RAP1GAP: variants seen among roughly 807,000 people sequenced by gnomAD.
RAP1GAP encodes the protein rap1 GTPase-activating protein 1.
Under a neutral mutation model 87.2 loss-of-function variants are expected in RAP1GAP, and 35 were observed. The ratio of observed to expected loss-of-function variants is 0.40; its 90% CI spans 0.31 to 0.53. The LOEUF is 0.53. Ranked by LOEUF, RAP1GAP falls within the 20% of genes least tolerant of loss-of-function variation. The pLI is 0.48. For missense variants in RAP1GAP, 734 were observed against 898.9 expected (o/e 0.82, Z 2.35); for synonymous variants, 375 against 363.9 (o/e 1.03, Z -0.35).
intron 1 of RAP1GAP, among the ~76,000 whole-genome samples, chr1:21,663,834 C>T (rs1043934140): frequency 1.3e-5 from 2 of 152,212 alleles, no homozygotes; most frequent in Non-Finnish European, 2.9e-5. Flanking sequence ...TGATCCTCAC[C>T]CACTGCCCCC....
chr1:21,640,733 A>G (rs1174204698), intron 2 of RAP1GAP, among the ~76,000 whole-genome samples: 2 of 148,008 alleles, frequency 1.4e-5, no homozygotes, highest in East Asian at 4.2e-4. Context: ...GGTGGGCTCC[A>G]GGCTGGAGGC....
At position 21,615,748 on chromosome 1, in the gene RAP1GAP, C is replaced by G. The variant is rs74060027; in HGVS notation, c.291+1558G>C. On this transcript the variant is annotated intron_variant, in intron 7 of 24. Coordinates refer to ENST00000374765, the MANE Select transcript of RAP1GAP (RefSeq NM_002885.4). This position sits in a 1 kb window ranked among gnomAD's most constrained non-coding sequence, Gnocchi z 4.5. ...CAGAGCCTGCTGCACTCGAGGTCCA[C>G]TACCTTCATCTGTTCCTACCTTCAT... 5.8e-3 allele frequency among the ~76,000 whole-genome samples: 881 copies of G among 152,296 alleles called. 6 individuals carry two copies. Among genetic ancestry groups the G allele is most frequent in the African/African-American group, 0.02 (835 of 41,544 alleles).
Position 21,634,715 on chromosome 1 carries a change from G to A in RAP1GAP, c.-112-8318C>T, listed in dbSNP as rs764559609. ...AGCCTAGAGAGGTGGTCACGGGACC[G>A]GTCCCTGCCCAGGGCACAGCATCTG... is the stretch of plus-strand genomic sequence containing the variant. On this transcript the variant is annotated intron_variant, in intron 2 of 24. Transcript: ENST00000374765. This position sits in a 1 kb window ranked among gnomAD's most constrained non-coding sequence, Gnocchi z 4.1. 9.4e-5 allele frequency: 40 copies of A among 426,948 alleles called. No homozygotes were observed. The highest frequency in any genetic ancestry group is 8.2e-5 in the African/African-American group (4 of 48,994). The allele number at this position is 426,948 out of a possible 1,614,324, so 26.4% of individuals were successfully genotyped here. A position where few individuals can be genotyped will look rare whatever the true frequency, so the allele number is the denominator to read the frequency against.
intron 2 of RAP1GAP, among the ~76,000 whole-genome samples, chr1:21,648,636 G>A (rs1571307316): frequency 6.6e-6 from 1 of 152,160 alleles, no homozygotes; most frequent in South Asian, 2.1e-4. Flanking sequence ...TGTTATTACT[G>A]AACTCCCTGA....
At chr1:21,617,888 C>A in intron 6 of RAP1GAP, 46 bp downstream of exon 6, 1 of 1,613,052 alleles carries the variant, frequency 6.2e-7, no homozygotes, top group Non-Finnish European at 8.5e-7. Context: ...TGTGTAAGTG[C>A]CTCCTGGGCT....
Position 21,668,508 on chromosome 1 carries a change from C to G in RAP1GAP, c.-149+746G>C, listed in dbSNP as rs1304270381. ...CTGTTATGGTAGGGAGGGGGCCGCT[C>G]ACCTCCGGAGACTGTGTGTGTGTGC... On this transcript the variant is annotated intron_variant, in intron 1 of 24. Transcript: ENST00000374765. This position sits in a 1 kb window ranked among gnomAD's most constrained non-coding sequence, Gnocchi z 6.2. 6.6e-6 allele frequency: 1 copy of G among 152,648 alleles called. No individual in the cohort carries two copies. Among genetic ancestry groups the G allele is most frequent in the Non-Finnish European group, 1.5e-5 (1 of 68,434 alleles). The allele number at this position is 152,648 out of a possible 1,614,324, so 9.5% of individuals were successfully genotyped here. A position where few individuals can be genotyped will look rare whatever the true frequency, so the allele number is the denominator to read the frequency against.
intron 1 of RAP1GAP, among the ~76,000 whole-genome samples, chr1:21,662,678 C>G (rs1432123160): frequency 6.6e-6 from 1 of 152,110 alleles, no homozygotes; most frequent in African/African-American, 2.4e-5. Flanking sequence ...AGAATTGCTC[C>G]CATTACCCAG....
At chr1:21,665,432 G>A (rs1390477343) in intron 1 of RAP1GAP, 15 of 301,820 alleles carry the variant, frequency 5.0e-5, no homozygotes, top group Non-Finnish European at 4.8e-5. Flanking sequence ...CCCAGTGCCT[G>A]TCACAGTCCC....
intron 1 of RAP1GAP, chr1:21,653,212 C>A (rs1410464321): frequency 6.6e-6 from 1 of 152,218 alleles, no homozygotes; most frequent in African/African-American, 2.4e-5. Flanking sequence ...CCAATTACTT[C>A]TCTCTTGGGG....
At position 21,644,543 on chromosome 1, in the gene RAP1GAP, C is replaced by T. The variant is rs542950109; in HGVS notation, c.-113+5218G>A. On this transcript the variant is annotated intron_variant, in intron 2 of 24. Coordinates refer to ENST00000374765, the MANE Select transcript of RAP1GAP (RefSeq NM_002885.4). ...GTGGGCAAAGTGCTCTGAAACACAG[C>T]CTGGCACGCGCTCAGCTCTCGGCAA... 2.8e-4 allele frequency among the ~76,000 whole-genome samples: 43 copies of T among 152,276 alleles called. 1 individual carries two copies. Among genetic ancestry groups the T allele is most frequent in the African/African-American group, 9.1e-4 (38 of 41,566 alleles).
Position 21,609,978 on chromosome 1 carries a change from G to T in RAP1GAP, c.999+142C>A. The T allele has an allele frequency of 9.5e-7, 1 of 1,054,142 alleles. No individual in the cohort carries two copies. The highest frequency in any genetic ancestry group is 1.3e-6 in the Non-Finnish European group (1 of 745,192). 65.3% of individuals were successfully genotyped at this position (1,054,142 alleles called of 1,614,324 possible). On this transcript the variant is annotated intron_variant, in intron 14 of 24. Transcript: ENST00000374765. The surrounding 1 kb of genome is among the most constrained non-coding windows in gnomAD (Gnocchi z 4.4). The stretch of plus-strand genomic sequence containing the variant: ...AGCTTTGGGGACGACAGGGGGCGTG[G>T]TGTGAACAGTGCACCATTGAAGCCT...
In RAP1GAP at chr1:21,597,949, G is replaced by A. The variant is rs1428942100; in HGVS notation, c.1983+12C>T. 1.3e-6 allele frequency: 2 copies of A among 1,559,780 alleles called. No homozygotes were observed. The highest frequency in any genetic ancestry group is 1.2e-5 in the South Asian group (1 of 85,268). On this transcript the variant is annotated intron_variant, in intron 23 of 24. Transcript: ENST00000374765. ...GGCTCCCTCAGCACCAGCCCCAGGA[G>A]GCTGCACGTACCAGCTGGGGCATGT...
chr1:21,657,640 TCCC>T (rs1479406161), intron 1 of RAP1GAP, among the ~76,000 whole-genome samples: 4 of 152,140 alleles, frequency 2.6e-5, no homozygotes, highest in Non-Finnish European at 5.9e-5. Flanking sequence ...GGCGTGGCCC[TCCC>T]AGCCCATTTT....
At chr1:21,643,735 G>A (rs1251023762) in intron 2 of RAP1GAP, among the ~76,000 whole-genome samples, 1 of 152,112 alleles carries the variant, frequency 6.6e-6, no homozygotes, top group Non-Finnish European at 1.5e-5. Flanking sequence ...ATCCCCCTGC[G>A]CATACACTCT....
At chr1:21,624,548 G>A (rs185357772) in intron 3 of RAP1GAP, among the ~76,000 whole-genome samples, 1 of 152,226 alleles carries the variant, frequency 6.6e-6, no homozygotes, top group African/African-American at 2.4e-5. Context: ...ACAGGCCTGT[G>A]TTCCCTCAGC....
At chr1:21,606,246 C>T in intron 17 of RAP1GAP, 49 bp from the exon 18 acceptor site, 1 of 1,541,968 alleles carries the variant, frequency 6.5e-7, no homozygotes, top group Non-Finnish European at 8.7e-7. Flanking sequence ...TAAGGGCCGT[C>T]CCCTTGGGGA....
rs1161142517 is a variant in RAP1GAP at position 21,617,351 on chromosome 1, C to G, written c.246G>C (p.Glu82Asp). The change falls in exon 7 of 25, where the codon GAG becomes GAC. Residue 82 changes from glutamate to aspartate, a missense_variant. By Grantham distance (45) the Glu-to-Asp change is conservative. Transcript: ENST00000374765. ...GGTAGATGCGGGCTGTGGGGTTGCA[C>G]TCGAGCTTCACCTTGGTTGTGGGCG... ...LQSPTTKVKLECNPTARIYRK... is the reference protein window; with the variant it reads ...LQSPTTKVKLDCNPTARIYRK... 1.9e-6 allele frequency: 3 copies of G among 1,597,340 alleles called. No homozygotes were observed. The South Asian group carries it at 3.4e-5, about 18-fold the overall frequency.
chr1:21,611,980 A>C (rs954387308), intron 11 of RAP1GAP, 46 bp downstream of exon 11: 2 of 1,497,756 alleles, frequency 1.3e-6, no homozygotes, highest in African/African-American at 2.8e-5. Flanking sequence ...GAGGCTCCAG[A>C]TATGGGGCCA....
chr1:21,636,947 A>C (rs1571119775), intron 2 of RAP1GAP, among the ~76,000 whole-genome samples: 3 of 40,586 alleles, frequency 7.4e-5, no homozygotes, highest in Admixed American at 3.3e-4. Flanking sequence ...GGAGGGAGGA[A>C]GGGAGGGAGG....
Sources: gnomAD v4.1 joint callset for allele counts (sites outside exome capture counted in the v4.1 genomes callset) on GRCh38, gnomAD v4.1.1 for gene constraint, Gnocchi (gnomAD v3.1) non-coding constraint, MANE v1.5 for transcripts, NCBI Gene and HGNC (gene_info 2026-07-23, HGNC 2026-07-21) for gene names.